ATP5PB: variants seen among roughly 807,000 people sequenced by gnomAD.
ATP5PB encodes the protein ATP synthase peripheral stalk-membrane subunit b.
ATP5PB carries 21 observed loss-of-function variants against 34.5 expected under a neutral mutation model. The ratio of observed to expected loss-of-function variants is 0.61; its 90% CI spans 0.43 to 0.88. The LOEUF is 0.88. Ranked by LOEUF, ATP5PB falls within the 40% of genes least tolerant of loss-of-function variation. The pLI is 0.00. For missense variants in ATP5PB, 293 were observed against 317.4 expected (o/e 0.92, Z 0.58); for synonymous variants, 108 against 114.1 (o/e 0.95, Z 0.34).
Position 111,454,269 on chromosome 1 carries a change from C to A in ATP5PB, c.136C>A (p.Pro46Thr). The A allele has an allele frequency of 1.9e-6, 3 of 1,613,300 alleles. No homozygotes were observed. Among genetic ancestry groups the A allele is most frequent in the Non-Finnish European group, 2.5e-6 (3 of 1,179,796 alleles). The change falls in exon 3 of 7, where the codon CCT (proline) becomes ACT (threonine). Residue 46 changes from proline (P) to threonine (T), a missense_variant. By Grantham distance (38) the Pro-to-Thr change is conservative (BLOSUM62 -1). Coordinates refer to ENST00000369722, the MANE Select transcript of ATP5PB (RefSeq NM_001688.5). ...TGQPHLVPVPPLPEYGGKVRY... is the reference protein window; with the variant it reads ...TGQPHLVPVPTLPEYGGKVRY... ...GCAGCCACACCTTGTCCCTGTACCACCTCTTCCTGAATACGGAGGAAAAGT... is the reference window on the plus strand; with the variant it reads ...GCAGCCACACCTTGTCCCTGTACCAACTCTTCCTGAATACGGAGGAAAAGT...
intron 2 of ATP5PB, among the ~76,000 whole-genome samples, chr1:111,453,741 C>T (rs1034565463): frequency 2.0e-5 from 3 of 152,148 alleles, no homozygotes; most frequent in African/African-American, 4.8e-5. Flanking sequence ...ATTCTAAGCA[C>T]GTCACATATA....
At chr1:111,458,415 C>A (rs1171822750) in intron 5 of ATP5PB, among the ~76,000 whole-genome samples, 1 of 152,028 alleles carries the variant, frequency 6.6e-6, no homozygotes, top group South Asian at 2.1e-4. Flanking sequence ...TGAGCAGACA[C>A]CTGAAAGAAC....
At position 111,449,589 on chromosome 1, in the gene ATP5PB, G is replaced by T. The variant is rs1484610482; in HGVS notation, c.40+8G>T. 1 of 1,601,348 alleles carries T rather than the reference G, an allele frequency of 6.2e-7. No individual in the cohort carries two copies. On this transcript the variant is annotated splice_region_variant and intron_variant, in intron 1 of 6. Coordinates refer to ENST00000369722, the MANE Select transcript of ATP5PB (RefSeq NM_001688.5). ...CCGCCGCCGCCACAGCGGGTAAGGG[G>T]TATAGACCCTGCTCTGGACTATCAG...
At position 111,462,051 on chromosome 1, in the gene ATP5PB, ATAAAAT is replaced by A. The variant is rs1434758654; in HGVS notation, c.*1064_*1069del. 1 of 152,224 alleles carries A rather than the reference ATAAAAT, an allele frequency of 6.6e-6. No homozygotes were observed. The highest frequency in any genetic ancestry group is 6.5e-5 in the Admixed American group (1 of 15,288). The allele number at this position is 152,224 out of a possible 1,614,324, so 9.4% of individuals were successfully genotyped here. A position where few individuals can be genotyped will look rare whatever the true frequency, so the allele number is the denominator to read the frequency against. On this transcript the variant is annotated 3_prime_UTR_variant, in exon 7 of 7. Transcript: ENST00000369722. The stretch of plus-strand genomic sequence containing the variant: ...TTATGGAAAAGTGTGGTGATTCCTC[ATAAAAT>A]TAAAATGGAAATACCATGATCCAGC...
intron 2 of ATP5PB, among the ~76,000 whole-genome samples, chr1:111,452,363 A>AGTTTT (rs1653356629): frequency 6.6e-6 from 1 of 151,150 alleles, no homozygotes; most frequent in African/African-American, 2.4e-5. Context: ...GTTTGAGACC[A>AGTTTT]GCCTGGCCAA....
intron 6 of ATP5PB, 107 bp from the exon 7 acceptor site, chr1:111,460,810 T>G: frequency 8.3e-6 from 7 of 842,942 alleles, no homozygotes; most frequent in East Asian, 2.7e-5. Context: ...GTAATCATCT[T>G]GAGGTTCTGG....
At chr1:111,452,704 T>A (rs1403730127) in intron 2 of ATP5PB, among the ~76,000 whole-genome samples, 2 of 152,214 alleles carry the variant, frequency 1.3e-5, no homozygotes, top group Admixed American at 6.5e-5. Context: ...TGCTATGATT[T>A]AAATCAGTGC....
At chr1:111,454,034 G>C (rs1014058625) in intron 2 of ATP5PB, among the ~76,000 whole-genome samples, 177 bp from the exon 3 acceptor site, 3 of 152,210 alleles carry the variant, frequency 2.0e-5, no homozygotes, top group African/African-American at 4.8e-5. Context: ...ATTCTTTGCT[G>C]TTGTCACAGC....
In ATP5PB at chr1:111,456,256, A is replaced by C. The variant is rs2101758204; in HGVS notation, c.387+7A>C. 1 of 1,568,320 alleles carries C rather than the reference A, an allele frequency of 6.4e-7. No homozygotes were observed. Among genetic ancestry groups the C allele is most frequent in the East Asian group, 2.3e-5 (1 of 43,930 alleles). On this transcript the variant is annotated splice_region_variant and intron_variant, in intron 4 of 6. Coordinates refer to ENST00000369722, the MANE Select transcript of ATP5PB (RefSeq NM_001688.5). ...TGCTGATAAACTCAATGAGGTAAGA[A>C]CCATAAACTTTATTTCCTATTTTAG...
intron 2 of ATP5PB, 146 bp from the exon 3 acceptor site, chr1:111,454,065 T>C: frequency 2.3e-6 from 2 of 867,402 alleles, no homozygotes; most frequent in Non-Finnish European, 3.3e-6. Flanking sequence ...ACCCTAACCT[T>C]CCCATTCCCA....
rs1451227467 is a variant in ATP5PB at position 111,455,462 on chromosome 1, A to G, written c.224-624A>G. 2.0e-5 allele frequency among the ~76,000 whole-genome samples: 3 copies of G among 152,212 alleles called. No homozygotes were observed. The East Asian group carries it at 5.8e-4, about 29-fold the overall frequency. On this transcript the variant is annotated intron_variant, in intron 3 of 6. Transcript: ENST00000369722. ...AAAGCCTGCTCTGGGCCTCCCTTAC[A>G]TCCTGTGAGGCGCGGAGGAAAGACT...
chr1:111,452,501 G>T lies in ATP5PB; in HGVS notation c.78-1710G>T, dbSNP rs551203021. On this transcript the variant is annotated intron_variant, in intron 2 of 6. Transcript: ENST00000369722. ...CACAAGAATCACTTGAGCCTGGGAG[G>T]TGGAGGTTGCAGTGAGCTGAGATCA... Among the ~76,000 whole-genome samples, 4 of 152,340 alleles carry T rather than the reference G, an allele frequency of 2.6e-5. No individual in the cohort carries two copies. In the East Asian group the frequency reaches 7.7e-4, roughly 29 times the overall value.
intron 5 of ATP5PB, among the ~76,000 whole-genome samples, chr1:111,458,154 T>G (rs1385454459): frequency 6.6e-6 from 1 of 152,160 alleles, no homozygotes; most frequent in Non-Finnish European, 1.5e-5. Flanking sequence ...AATAAATAAT[T>G]GAACAGATGC....
intron 2 of ATP5PB, among the ~76,000 whole-genome samples, chr1:111,451,648 G>C (rs1653340524): frequency 6.6e-6 from 1 of 152,162 alleles, no homozygotes; most frequent in Admixed American, 6.5e-5. Context: ...AATTGGTCTT[G>C]GTAGTCATTG....
chr1:111,457,895 C>T (rs1438979238), intron 5 of ATP5PB, among the ~76,000 whole-genome samples: 3 of 152,168 alleles, frequency 2.0e-5, no homozygotes, highest in African/African-American at 2.4e-5. Context: ...TATACACACA[C>T]GTGAATGCAT....
rs878891192 is a variant in ATP5PB, at chr1:111,461,144, C to T, written c.*150C>T. 4.3e-5 allele frequency: 28 copies of T among 644,334 alleles called. No individual in the cohort carries two copies. Among genetic ancestry groups the T allele is most frequent in the African/African-American group, 3.7e-4 (20 of 54,104 alleles). 39.9% of individuals were successfully genotyped at this position (644,334 alleles called of 1,614,324 possible). A position where few individuals can be genotyped will look rare whatever the true frequency, so the allele number is the denominator to read the frequency against. On this transcript the variant is annotated 3_prime_UTR_variant, in exon 7 of 7. Coordinates refer to ENST00000369722, the MANE Select transcript of ATP5PB (RefSeq NM_001688.5). ...AAGTTTGTTTCATATAGTGAGAGAA[C>T]GAAATCTCTATCGGCCAGTCAGATG... is the stretch of plus-strand genomic sequence containing the variant.
At chr1:111,449,692 G>T in intron 1 of ATP5PB, 111 bp downstream of exon 1, 1 of 1,548,228 alleles carries the variant, frequency 6.5e-7, no homozygotes, top group Admixed American at 1.7e-5. Context: ...GAGGCGAGTG[G>T]TCAGTGCAGT....
intron 5 of ATP5PB, among the ~76,000 whole-genome samples, chr1:111,457,544 A>G (rs1653510942): frequency 6.6e-6 from 1 of 152,210 alleles, no homozygotes; most frequent in African/African-American, 2.4e-5. Context: ...AATGAAATGA[A>G]AAATGAGATG....
intron 2 of ATP5PB, among the ~76,000 whole-genome samples, chr1:111,452,563 T>G (rs1653363981): frequency 6.6e-6 from 1 of 151,712 alleles, no homozygotes; most frequent in Non-Finnish European, 1.5e-5. Flanking sequence ...AGGGCAAGAT[T>G]CTGTCTCAAA....
Sources: gnomAD v4.1 joint callset for allele counts (sites outside exome capture counted in the v4.1 genomes callset) on GRCh38, gnomAD v4.1.1 for gene constraint, MANE v1.5 for transcripts, NCBI Gene and HGNC (gene_info 2026-07-23, HGNC 2026-07-21) for gene names.